The following TGIF2 variants were observed in gnomAD, a reference collection of about 807,000 sequenced individuals.
TGIF2 encodes the protein TGFB induced factor homeobox 2.
A neutral mutation model predicts 15.1 loss-of-function variants in TGIF2; 5 were observed. The observed-to-expected ratio is 0.33, with a 90% CI of 0.17 to 0.70. The LOEUF (loss-of-function observed/expected upper bound fraction) is 0.70, where lower values mean the gene tolerates loss of function less well. TGIF2 is among the 30% of genes least tolerant of loss of function. TGIF2 has a pLI of 0.67. For synonymous variants in TGIF2, 131 were observed against 128.9 expected, an observed-to-expected ratio of 1.02 and a Z score of -0.11; for missense variants, 264 against 302.5, an observed-to-expected ratio of 0.87 and a Z score of 0.94.
intron 2 of TGIF2, among the ~76,000 whole-genome samples, chr20:36,581,556 A>G (rs1343897010): frequency 6.6e-6 from 1 of 151,758 alleles, no homozygotes; most frequent in East Asian, 1.9e-4. Flanking sequence ...CACTTGTCAC[A>G]CTCTATTGGA....
intron 1 of TGIF2, among the ~76,000 whole-genome samples, chr20:36,574,324 A>T (rs1249179471): frequency 6.6e-6 from 1 of 150,878 alleles, no homozygotes; most frequent in Non-Finnish European, 1.5e-5. Context: ...CGCCCCGGAG[A>T]AAGTTTGTTC....
At chr20:36,579,314 G>A (rs2038496980) in intron 2 of TGIF2, among the ~76,000 whole-genome samples, 1 of 152,120 alleles carries the variant, frequency 6.6e-6, no homozygotes, top group Non-Finnish European at 1.5e-5. Context: ...TGGGATTACA[G>A]GCGCCCGCCA....
At chr20:36,581,397 T>C (rs1250307304) in intron 2 of TGIF2, among the ~76,000 whole-genome samples, 2 of 152,016 alleles carry the variant, frequency 1.3e-5, no homozygotes, top group Non-Finnish European at 2.9e-5. Context: ...GTTCATTTAA[T>C]CCATTATTTT....
intron 2 of TGIF2, among the ~76,000 whole-genome samples, chr20:36,579,612 G>A (rs1271603660): frequency 1.3e-5 from 2 of 152,186 alleles, no homozygotes; most frequent in African/African-American, 2.4e-5. Context: ...AGTATTGGAC[G>A]GCGACTTGGT....
chr20:36,591,249 G>A lies in TGIF2; in HGVS notation c.532G>A (p.Gly178Arg), dbSNP rs1401746589. ...TRAEAGSPTGGLFNTPPPTPP... is the reference protein window; with the variant it reads ...TRAEAGSPTGRLFNTPPPTPP... Reference sequence around the variant, plus strand: ...GGCTGAGGCTGGAAGCCCCACAGGTGGACTCTTCAACACGCCACCACCCAC... The same window carrying A: ...GGCTGAGGCTGGAAGCCCCACAGGTAGACTCTTCAACACGCCACCACCCAC... The change falls in exon 3 of 3, where the codon GGA (glycine) becomes AGA (arginine). Residue 178 changes from glycine to arginine, a missense_variant. Coordinates refer to ENST00000373872, the MANE Select transcript of TGIF2 (RefSeq NM_021809.7). This position sits in a 1 kb window ranked among gnomAD's most constrained non-coding sequence, Gnocchi z 5.3. 1 of 1,614,144 alleles carries A rather than the reference G, an allele frequency of 6.2e-7. No individual in the cohort carries two copies. Among genetic ancestry groups the A allele is most frequent in the Non-Finnish European group, 8.5e-7 (1 of 1,180,026 alleles).
intron 1 of TGIF2, chr20:36,574,676 G>A (rs2147916533): frequency 6.6e-6 from 1 of 152,376 alleles, no homozygotes; most frequent in South Asian, 2.1e-4. Flanking sequence ...CCACCGGGAT[G>A]GCGGGCCCGC....
intron 2 of TGIF2, among the ~76,000 whole-genome samples, chr20:36,580,896 G>A (rs1486603818): frequency 2.0e-5 from 3 of 151,088 alleles, no homozygotes; most frequent in Admixed American, 6.6e-5. Flanking sequence ...AGGCCAAGGC[G>A]GGTGGATCAC....
At chr20:36,580,769 G>A (rs142562620) in intron 2 of TGIF2, among the ~76,000 whole-genome samples, 2,491 of 133,912 alleles carry the variant, frequency 0.019, 72 homozygotes, top group African/African-American at 0.064. Context: ...AGCTGTGATC[G>A]CACCACTGCA....
chr20:36,589,322 A>C (rs1223059918), intron 2 of TGIF2, among the ~76,000 whole-genome samples: 2 of 152,064 alleles, frequency 1.3e-5, no homozygotes. Context: ...CCAATATACC[A>C]GGCACTCAAA....
At chr20:36,583,464 GAA>G (rs1289215446) in intron 2 of TGIF2, among the ~76,000 whole-genome samples, 2 of 91,094 alleles carry the variant, frequency 2.2e-5, no homozygotes, top group Non-Finnish European at 2.4e-5. Context: ...TCTCTAAAAA[GAA>G]AAAAAAAAAA....
chr20:36,585,041 T>G (rs1302773679), intron 2 of TGIF2, among the ~76,000 whole-genome samples: 1 of 151,592 alleles, frequency 6.6e-6, no homozygotes, highest in Non-Finnish European at 1.5e-5. Context: ...TACTAAAAAA[T>G]AGACAATTAG....
chr20:36,588,098 G>A (rs2038695861), intron 2 of TGIF2, among the ~76,000 whole-genome samples: 1 of 150,784 alleles, frequency 6.6e-6, no homozygotes, highest in South Asian at 2.1e-4. Context: ...GCACAGCAAA[G>A]CAGTGGAGGC....
At chr20:36,586,695 C>G (rs1173427625) in intron 2 of TGIF2, among the ~76,000 whole-genome samples, 1 of 138,046 alleles carries the variant, frequency 7.2e-6, no homozygotes, top group African/African-American at 2.8e-5. Context: ...ACTCCATTTC[C>G]CCCCCCCCAA....
chr20:36,583,717 C>T lies in TGIF2; in HGVS notation c.192+4751C>T, dbSNP rs1173617493. On this transcript the variant is annotated intron_variant, in intron 2 of 2. Coordinates refer to ENST00000373872, the MANE Select transcript of TGIF2 (RefSeq NM_021809.7). ...TTTGAGGCCAGCCTGGCCAACATGG[C>T]GAAACCCCGTCTCTACTAAAAATAC... Among the ~76,000 whole-genome samples, 6 of 152,092 alleles carry T rather than the reference C, an allele frequency of 3.9e-5. No individual in the cohort carries two copies. In the East Asian group the frequency reaches 7.7e-4, roughly 20 times the overall value.
At chr20:36,574,070 G>T (rs2038358674) in intron 1 of TGIF2, among the ~76,000 whole-genome samples, 2 of 151,766 alleles carry the variant, frequency 1.3e-5, no homozygotes, top group South Asian at 4.2e-4. Flanking sequence ...AGCGCGCGGG[G>T]GGACGGATTT....
chr20:36,588,179 T>G (rs1396565318), intron 2 of TGIF2, among the ~76,000 whole-genome samples: 2 of 151,932 alleles, frequency 1.3e-5, no homozygotes, highest in Non-Finnish European at 2.9e-5. Context: ...ACAAGAGCTT[T>G]CTTCTCATTG....
chr20:36,583,282 CAA>C (rs374655996), intron 2 of TGIF2, among the ~76,000 whole-genome samples: 1 of 145,260 alleles, frequency 6.9e-6, no homozygotes, highest in African/African-American at 2.6e-5. Context: ...AAAAAAAAAA[CAA>C]ACAAACAAAC....
chr20:36,590,869 T>G, intron 2 of TGIF2, 41 bp from the exon 3 acceptor site: 1 of 1,500,412 alleles, frequency 6.7e-7, no homozygotes, highest in Non-Finnish European at 8.9e-7. Flanking sequence ...CATAGCTGTT[T>G]TAGATTAAGC....
intron 2 of TGIF2, among the ~76,000 whole-genome samples, chr20:36,582,926 C>A (rs2038575347): frequency 6.6e-6 from 1 of 152,158 alleles, no homozygotes; most frequent in African/African-American, 2.4e-5. Context: ...TGGCTTCTTT[C>A]CTACCCTCAT....
Sources: allele counts gnomAD v4.1 joint callset (sites outside exome capture counted in the v4.1 genomes callset), GRCh38; gene constraint gnomAD v4.1.1; non-coding constraint Gnocchi (gnomAD v3.1); transcripts MANE v1.5; gene names NCBI Gene and HGNC (gene_info 2026-07-23, HGNC 2026-07-21).